The following SCAF8 variants were observed in gnomAD, a reference collection of about 807,000 sequenced individuals.
The protein encoded by SCAF8 is SR-related and CTD-associated factor 8.
SCAF8 carries 23 observed loss-of-function variants against 140.5 expected under a neutral mutation model. That is an observed-to-expected ratio of 0.16 (90% CI 0.12 to 0.23). SCAF8 has a LOEUF of 0.23. Among genes scored for constraint, SCAF8 ranks in the 10% least tolerant of loss-of-function variants. The probability of loss-of-function intolerance (pLI) is 1.00; values close to 1 mark genes in which losing one functional copy is unlikely to be tolerated. For missense variants in SCAF8, 1,397 were observed against 1,555.7 expected, an observed-to-expected ratio of 0.90 and a Z score of 1.72; for synonymous variants, 575 against 528.9, an observed-to-expected ratio of 1.09 and a Z score of -1.20.
At chr6:154,790,694 TAG>T (rs1181835416) in intron 4 of SCAF8, among the ~76,000 whole-genome samples, 1 of 151,882 alleles carries the variant, frequency 6.6e-6, no homozygotes, top group East Asian at 1.9e-4. Context: ...GTATTTTTAG[TAG>T]AGACTGGGTT....
intron 2 of SCAF8, 90 bp from the exon 3 acceptor site, chr6:154,777,911 C>T (rs1562440825): frequency 1.3e-6 from 1 of 772,554 alleles, no homozygotes; most frequent in African/African-American, 1.7e-5. Flanking sequence ...TTTGATAGAC[C>T]TTTGGAGCAT....
At chr6:154,829,426 C>G (rs987607749) in intron 18 of SCAF8, among the ~76,000 whole-genome samples, 18 of 151,690 alleles carry the variant, frequency 1.2e-4, no homozygotes, top group African/African-American at 4.4e-4. Flanking sequence ...ATAATTTTTT[C>G]ATTCTAGTGT....
At chr6:154,781,608 C>T (rs749759665) in intron 3 of SCAF8, among the ~76,000 whole-genome samples, 1 of 152,158 alleles carries the variant, frequency 6.6e-6, no homozygotes, top group Non-Finnish European at 1.5e-5. Context: ...GCTACAGTAA[C>T]CAGAAGAGAC....
intron 12 of SCAF8, among the ~76,000 whole-genome samples, chr6:154,812,169 A>T: frequency 7.0e-6 from 1 of 143,088 alleles, no homozygotes; most frequent in East Asian, 2.1e-4. Context: ...TGCTTTGAAG[A>T]TACTGCCTTT....
intron 1 of SCAF8, among the ~76,000 whole-genome samples, chr6:154,756,816 T>A (rs1778977710): frequency 6.6e-6 from 1 of 152,088 alleles, no homozygotes; most frequent in Admixed American, 6.5e-5. Context: ...CGCTTGAGCC[T>A]CAGGAGTTTT....
chr6:154,833,214 C>G lies in SCAF8; in HGVS notation c.3635C>G (p.Pro1212Arg), dbSNP rs1778804341. Residue 1212 changes from proline (P) to arginine (R), a missense_variant, in exon 20 of 20, where the codon CCT becomes CGT. Around this residue, in one of 5 missense-constraint regions of SCAF8, gnomAD observed 930 missense variants for 874.6 expected, o/e 1.06. Coordinates refer to ENST00000367178, the MANE Select transcript of SCAF8 (RefSeq NM_014892.5). ...ATSQRKGDNV[P>R]QVNGENTERH... Reference sequence around the variant, plus strand: ...TCTCAACGAAAAGGTGATAATGTGCCTCAGGTTAATGGTGAAAATACAGAG... The same window carrying G: ...TCTCAACGAAAAGGTGATAATGTGCGTCAGGTTAATGGTGAAAATACAGAG... 1.2e-6 allele frequency: 2 copies of G among 1,613,832 alleles called. No homozygotes were observed. Among genetic ancestry groups the G allele is most frequent in the African/African-American group, 2.7e-5 (2 of 74,874 alleles).
intron 12 of SCAF8, among the ~76,000 whole-genome samples, chr6:154,811,447 GGGA>G (rs1429812642): frequency 6.7e-6 from 1 of 149,962 alleles, no homozygotes; most frequent in African/African-American, 2.5e-5. Context: ...TTTAAGTTCT[GGGA>G]TACATGTGCT....
chr6:154,825,137 G>C (rs186603123), intron 17 of SCAF8: 79 of 152,168 alleles, frequency 5.2e-4, no homozygotes, highest in African/African-American at 1.8e-3. Context: ...AATTGAATTT[G>C]TAATACTTTG....
chr6:154,734,116 G>C (rs1192958350), intron 1 of SCAF8, among the ~76,000 whole-genome samples, 186 bp downstream of exon 1: 1 of 152,212 alleles, frequency 6.6e-6, no homozygotes, highest in Non-Finnish European at 1.5e-5. Context: ...CCGGGAGGAG[G>C]GTTGGGGGAG....
chr6:154,826,485 T>C (rs1223944458), intron 17 of SCAF8, among the ~76,000 whole-genome samples: 1 of 152,166 alleles, frequency 6.6e-6, no homozygotes, highest in East Asian at 1.9e-4. Flanking sequence ...CCAAAGTAGA[T>C]TTTATAGTTT....
intron 4 of SCAF8, among the ~76,000 whole-genome samples, chr6:154,791,461 A>C (rs1030888297): frequency 2.0e-4 from 31 of 152,238 alleles, no homozygotes; most frequent in Non-Finnish European, 3.8e-4. Flanking sequence ...TCGCTATAAG[A>C]AGAGCTGTAA....
intron 5 of SCAF8, among the ~76,000 whole-genome samples, chr6:154,794,172 C>T (rs1360154307): frequency 2.0e-5 from 3 of 152,104 alleles, no homozygotes; most frequent in Non-Finnish European, 4.4e-5. Context: ...CCAAGTAGTC[C>T]TCCTGCCTTG....
At position 154,810,102 on chromosome 6, in the gene SCAF8, A is replaced by G; in HGVS notation, c.1314A>G (p.Arg438=). ...RKRSRSRSRE[R]KRKSSRSYSS... ...GATCACGCTCCCGCTCAAGAGAAAG[A>G]AAGAGGAAATCATCACGGTCGTATT... is the stretch of plus-strand genomic sequence containing the variant. Residue 438 remains arginine, a synonymous_variant, in exon 12 of 20, where the codon AGA becomes AGG. Coordinates refer to ENST00000367178, the MANE Select transcript of SCAF8 (RefSeq NM_014892.5). 6.2e-7 allele frequency: 1 copy of G among 1,614,102 alleles called. No homozygotes were observed. The highest frequency in any genetic ancestry group is 8.5e-7 in the Non-Finnish European group (1 of 1,179,954).
chr6:154,733,726 G>A lies in SCAF8; in HGVS notation c.-175G>A. 2 of 1,325,620 alleles carry A rather than the reference G, an allele frequency of 1.5e-6. No homozygotes were observed. The highest frequency in any genetic ancestry group is 9.6e-7 in the Non-Finnish European group (1 of 1,041,566). 82.1% of individuals were successfully genotyped at this position (1,325,620 alleles called of 1,614,324 possible). A position where few individuals can be genotyped will look rare whatever the true frequency, so the allele number is the denominator to read the frequency against. On this transcript the variant is annotated 5_prime_UTR_variant, in exon 1 of 20. Transcript: ENST00000367178. ...TGCCGGTGCCGCTCTGCCGCTGAGGGAGCCCTTCCCCGCCAGCGCGTGCCC... is the reference window on the plus strand; with the variant it reads ...TGCCGGTGCCGCTCTGCCGCTGAGGAAGCCCTTCCCCGCCAGCGCGTGCCC...
chr6:154,808,849 C>G (rs368891087), intron 11 of SCAF8, 51 bp downstream of exon 11: 31 of 1,200,144 alleles, frequency 2.6e-5, no homozygotes, highest in Non-Finnish European at 3.8e-5. Flanking sequence ...AAAATGTTGG[C>G]TTTATTTCTT....
Position 154,812,782 on chromosome 6 carries a change from G to T in SCAF8, c.1420+2574G>T, listed in dbSNP as rs562411227. On this transcript the variant is annotated intron_variant, in intron 12 of 19. Coordinates refer to ENST00000367178, the MANE Select transcript of SCAF8 (RefSeq NM_014892.5). The stretch of plus-strand genomic sequence containing the variant: ...ACAAGAATCATTAATGCTTTCTGGG[G>T]AAAATAATGGAGTTTCCTATGGGAA... Among the ~76,000 whole-genome samples, 3 of 152,140 alleles carry T rather than the reference G, an allele frequency of 2.0e-5. No individual in the cohort carries two copies. In the South Asian group the frequency reaches 6.2e-4, roughly 32 times the overall value.
At chr6:154,777,715 T>TA (rs908726246) in intron 2 of SCAF8, among the ~76,000 whole-genome samples, 1 of 152,236 alleles carries the variant, frequency 6.6e-6, no homozygotes, top group African/African-American at 2.4e-5. Flanking sequence ...AACTGTTTGT[T>TA]AAAGTATGCT....
intron 1 of SCAF8, among the ~76,000 whole-genome samples, chr6:154,741,373 C>T (rs1377072362): frequency 6.6e-6 from 1 of 151,986 alleles, no homozygotes; most frequent in African/African-American, 2.4e-5. Context: ...GACTTTATAG[C>T]CCCAGTGTCC....
chr6:154,794,500 C>G (rs1777528085), intron 5 of SCAF8, among the ~76,000 whole-genome samples: 1 of 151,938 alleles, frequency 6.6e-6, no homozygotes, highest in Non-Finnish European at 1.5e-5. Flanking sequence ...AGAGAGAGAC[C>G]ATATTCACAT....
Sources: allele counts gnomAD v4.1 joint callset (sites outside exome capture counted in the v4.1 genomes callset), GRCh38; gene constraint gnomAD v4.1.1; regional missense constraint gnomAD v4.1.1; transcripts MANE v1.5; gene names NCBI Gene and HGNC (gene_info 2026-07-23, HGNC 2026-07-21).